Variants in AHCTF1 observed in about 807,000 individuals in gnomAD.
The protein encoded by AHCTF1 is AT-hook containing transcription factor 1.
AHCTF1 carries 24 observed loss-of-function variants against 248.4 expected under a neutral mutation model. The observed-to-expected ratio is 0.10, with a 90% CI of 0.07 to 0.14. The LOEUF (loss-of-function observed/expected upper bound fraction) is 0.14. Among genes scored for constraint, AHCTF1 ranks in the 10% least tolerant of loss-of-function variants. AHCTF1 has a pLI of 1.00. For missense variants in AHCTF1, 2,206 were observed against 2,636.2 expected (o/e 0.84, Z 3.57); for synonymous variants, 786 against 929.8 (o/e 0.85, Z 2.81).
At chr1:246,872,323 A>T (rs1222479835) in intron 24 of AHCTF1, among the ~76,000 whole-genome samples, 1 of 152,166 alleles carries the variant, frequency 6.6e-6, no homozygotes, top group Non-Finnish European at 1.5e-5. Context: ...AAAGACTGAC[A>T]AGAAGACTTT....
At chr1:246,914,470 T>A (rs184854150) in intron 3 of AHCTF1, among the ~76,000 whole-genome samples, 1 of 152,224 alleles carries the variant, frequency 6.6e-6, no homozygotes, top group Non-Finnish European at 1.5e-5. Context: ...TACAAAACAT[T>A]ACTCAGTGTT....
chr1:246,877,149 A>G lies in AHCTF1; in HGVS notation c.2805+9T>C. The G allele has an allele frequency of 1.9e-6, 3 of 1,612,484 alleles. No homozygotes were observed. Among genetic ancestry groups the G allele is most frequent in the Non-Finnish European group, 2.5e-6 (3 of 1,179,686 alleles). On this transcript the variant is annotated intron_variant, in intron 22 of 35. Coordinates refer to ENST00000648844, the MANE Select transcript of AHCTF1 (RefSeq NM_001323342.2). Reference sequence around the variant, plus strand: ...AATTTCTGACAAGTTTACATCGGTAAGTAATTACCTGCTCAGTGTCTGTAA... The same window carrying G: ...AATTTCTGACAAGTTTACATCGGTAGGTAATTACCTGCTCAGTGTCTGTAA...
intron 1 of AHCTF1, among the ~76,000 whole-genome samples, chr1:246,920,165 AAAAG>A (rs1219716648): frequency 4.4e-4 from 65 of 148,040 alleles, no homozygotes; most frequent in African/African-American, 1.6e-3. Context: ...AAAAAAAAAA[AAAAG>A]AAAAGAAGCT....
intron 24 of AHCTF1, among the ~76,000 whole-genome samples, chr1:246,874,183 T>C (rs1202370399): frequency 5.9e-5 from 9 of 152,142 alleles, no homozygotes; most frequent in Non-Finnish European, 1.2e-4. Flanking sequence ...TATATACAAG[T>C]AGACATGCCA....
intron 31 of AHCTF1, among the ~76,000 whole-genome samples, chr1:246,853,834 C>T (rs1424216560): frequency 1.3e-5 from 2 of 149,522 alleles, no homozygotes; most frequent in Non-Finnish European, 2.9e-5. Flanking sequence ...AAAAATATTT[C>T]TACACTTTCA....
At chr1:246,883,653 C>A (rs947977872) in intron 21 of AHCTF1, among the ~76,000 whole-genome samples, 1 of 152,162 alleles carries the variant, frequency 6.6e-6, no homozygotes, top group South Asian at 2.1e-4. Context: ...TCTCTATTTA[C>A]AGGACTAGTA....
At chr1:246,917,957 G>A (rs576892207) in intron 2 of AHCTF1, among the ~76,000 whole-genome samples, 120 of 152,002 alleles carry the variant, frequency 7.9e-4, no homozygotes, top group African/African-American at 2.2e-3. Flanking sequence ...CTAATTATAA[G>A]GAAAAACTAG....
intron 4 of AHCTF1, among the ~76,000 whole-genome samples, chr1:246,912,473 CG>C (rs1665880976): frequency 6.7e-6 from 1 of 150,036 alleles, no homozygotes; most frequent in Admixed American, 6.6e-5. Flanking sequence ...CAGAGCGAGA[CG>C]CCGTCTCCAA....
chr1:246,845,962 C>T (rs915924717), intron 33 of AHCTF1, among the ~76,000 whole-genome samples: 1 of 141,070 alleles, frequency 7.1e-6, no homozygotes, highest in African/African-American at 2.5e-5. Flanking sequence ...TAGAACAACA[C>T]ATCTTACTTA....
In AHCTF1 at chr1:246,850,154, T is replaced by C. The variant is rs1660595346; in HGVS notation, c.5852A>G (p.Asp1951Gly). 1 of 1,613,700 alleles carries C rather than the reference T, an allele frequency of 6.2e-7. No individual in the cohort carries two copies. Among genetic ancestry groups the C allele is most frequent in the Non-Finnish European group, 8.5e-7 (1 of 1,179,846 alleles). The part of the protein sequence containing the change: ...REVSPSDVRE[D>G]SNLESSQLTV... Reference sequence around the variant, plus strand: ...CAACTGAGATGACTCAAGGTTGGAGTCTTCTCTCACATCTGATGGACTAAC... The same window carrying C: ...CAACTGAGATGACTCAAGGTTGGAGCCTTCTCTCACATCTGATGGACTAAC... Residue 1951 changes from aspartate to glycine, a missense_variant, in exon 33 of 36, where the codon GAC becomes GGC. By Grantham distance (94) the Asp-to-Gly change is moderately conservative. This residue lies in a region of AHCTF1 where 469 missense variants were observed against 470.0 expected (regional missense o/e 1.00). Transcript: ENST00000648844.
At chr1:246,864,198 C>T (rs1661786376) in intron 26 of AHCTF1, 82 bp from the exon 27 acceptor site, 3 of 1,334,562 alleles carry the variant, frequency 2.2e-6, no homozygotes, top group Non-Finnish European at 3.1e-6. Flanking sequence ...CCTCTATATT[C>T]ACTGGTAACT....
At chr1:246,872,982 A>G (rs918952384) in intron 24 of AHCTF1, among the ~76,000 whole-genome samples, 3 of 152,168 alleles carry the variant, frequency 2.0e-5, no homozygotes, top group African/African-American at 7.2e-5. Context: ...TGTTTGGACC[A>G]TGTATTATTA....
At position 246,862,197 on chromosome 1, in the gene AHCTF1, T is replaced by C. The variant is rs191877319; in HGVS notation, c.3541-44A>G. The C allele has an allele frequency of 1.7e-5, 26 of 1,511,698 alleles. No individual in the cohort carries two copies. In the East Asian group the frequency reaches 1.9e-4, roughly 11 times the overall value. 93.6% of individuals were successfully genotyped at this position (1,511,698 alleles called of 1,614,324 possible). A position where few individuals can be genotyped will look rare whatever the true frequency, so the allele number is the denominator to read the frequency against. Reference sequence around the variant, plus strand: ...GGAATTACACCATTAAAAGTGCTTATAGGCCGGGCGCGGTGGCTCACGCCT... The same window carrying C: ...GGAATTACACCATTAAAAGTGCTTACAGGCCGGGCGCGGTGGCTCACGCCT... On this transcript the variant is annotated intron_variant, in intron 27 of 35. Transcript: ENST00000648844.
chr1:246,847,803 A>C (rs913370743), intron 33 of AHCTF1, among the ~76,000 whole-genome samples: 1 of 152,204 alleles, frequency 6.6e-6, no homozygotes, highest in East Asian at 1.9e-4. Flanking sequence ...AATTACTGAG[A>C]TGTTTGCTAA....
At position 246,862,031 on chromosome 1, in the gene AHCTF1, C is replaced by A; in HGVS notation, c.3663G>T (p.Arg1221Ser). The change falls in exon 28 of 36, where the codon AGG (arginine) becomes AGT (serine). Residue 1221 changes from arginine to serine, a missense_variant. This residue lies in a region of AHCTF1 where 955 missense variants were observed against 1,055.6 expected (regional missense o/e 0.90). Transcript: ENST00000648844. ...PLASPSPSPG[R>S]SPQRLKETRI... ...TAGTTTCTTTAAGTCGTTGAGGAGACCTTCCAGGTGATGGAGAGGGAGATG... is the reference window on the plus strand; with the variant it reads ...TAGTTTCTTTAAGTCGTTGAGGAGAACTTCCAGGTGATGGAGAGGGAGATG... 2 of 1,613,600 alleles carry A rather than the reference C, an allele frequency of 1.2e-6. No homozygotes were observed. Among genetic ancestry groups the A allele is most frequent in the South Asian group, 1.1e-5 (1 of 91,064 alleles).
Position 246,851,265 on chromosome 1 carries a change from C to T in AHCTF1, c.4741G>A (p.Val1581Ile), listed in dbSNP as rs1660698299. Residue 1581 changes from valine to isoleucine, a missense_variant, in exon 33 of 36, where the codon GTA (valine) becomes ATA (isoleucine). Val to Ile is a conservative substitution (Grantham distance 29). Transcript: ENST00000648844. ...KDTAECDIAE[V>I]DGELFVAQSN... ...TGAGCCACAAAAAGTTCCCCATCTA[C>T]TTCAGCAATGTCACATTCAGCAGTG... 2 of 1,613,978 alleles carry T rather than the reference C, an allele frequency of 1.2e-6. No individual in the cohort carries two copies. The highest frequency in any genetic ancestry group is 2.2e-5 in the East Asian group (1 of 44,870).
At chr1:246,841,525 CCTA>C (rs1445382640) in intron 35 of AHCTF1, among the ~76,000 whole-genome samples, 2 of 152,138 alleles carry the variant, frequency 1.3e-5, no homozygotes, top group African/African-American at 4.8e-5. Flanking sequence ...TTCAACCATG[CCTA>C]CTAAGCACAG....
intron 28 of AHCTF1, among the ~76,000 whole-genome samples, chr1:246,861,635 G>A (rs987295247): frequency 6.6e-6 from 1 of 151,968 alleles, no homozygotes; most frequent in Non-Finnish European, 1.5e-5. Context: ...CACAATATAA[G>A]GTAAAAACAA....
Position 246,918,439 on chromosome 1 carries a change from T to C in AHCTF1, c.-7-62A>G. The C allele has an allele frequency of 4.2e-6, 6 of 1,433,066 alleles. No homozygotes were observed. In the South Asian group the frequency reaches 4.5e-5, roughly 11 times the overall value. 88.8% of individuals were successfully genotyped at this position (1,433,066 alleles called of 1,614,324 possible). ...CATTTGTAGACAATATACTTGATTA[T>C]GTCCAGCCAGGAAAAACAGTAAAAG... On this transcript the variant is annotated intron_variant, in intron 1 of 35. Coordinates refer to ENST00000648844, the MANE Select transcript of AHCTF1 (RefSeq NM_001323342.2).
Sources: gnomAD v4.1 joint callset for allele counts (sites outside exome capture counted in the v4.1 genomes callset) on GRCh38, gnomAD v4.1.1 for gene constraint, gnomAD v4.1.1 regional missense constraint, MANE v1.5 for transcripts, NCBI Gene and HGNC (gene_info 2026-07-23, HGNC 2026-07-21) for gene names.